NTMT1: variants seen among roughly 807,000 people sequenced by gnomAD.
NTMT1 encodes the protein N-terminal RCC1 methyltransferase.
NTMT1 carries 8 observed loss-of-function variants against 17.5 expected under a neutral mutation model. The ratio of observed to expected loss-of-function variants is 0.46; its 90% confidence interval spans 0.27 to 0.82. The LOEUF is 0.82. Ranked by LOEUF, NTMT1 falls within the 40% of genes least tolerant of loss-of-function variation. The pLI, the probability that NTMT1 is intolerant of heterozygous loss-of-function variation, is 0.15. For synonymous variants in NTMT1, 128 were observed against 126.8 expected (o/e 1.01, Z -0.06); for missense variants, 221 against 303.5 (o/e 0.73, Z 2.02).
exon 1 of NTMT1, chr9:129,609,038 G>A (rs1190794247): frequency 6.6e-6 from 1 of 152,298 alleles, no homozygotes; most frequent in African/African-American, 2.4e-5. Flanking sequence ...AGCCTCTCTG[G>A]GCCCTGGCTT....
At chr9:129,615,388 G>T in intron 1 of NTMT1, 2 of 1,315,784 alleles carry the variant, frequency 1.5e-6, no homozygotes, top group Non-Finnish European at 2.0e-6. Flanking sequence ...CCTTTGCAAA[G>T]CCAGTCCCTC....
chr9:129,610,433 A>C (rs1027080528), intron 1 of NTMT1, among the ~76,000 whole-genome samples: 12 of 151,830 alleles, frequency 7.9e-5, no homozygotes, highest in Non-Finnish European at 1.6e-4. Context: ...GCACGGCTGC[A>C]AGCCTAGCAA....
At chr9:129,618,818 G>A (rs1004555283) in intron 1 of NTMT1, among the ~76,000 whole-genome samples, 2 of 151,252 alleles carry the variant, frequency 1.3e-5, no homozygotes, top group East Asian at 3.9e-4. Context: ...TCAGCCTCCC[G>A]AGTAGCTGGG....
chr9:129,629,688 C>A (rs1831061471), intron 1 of NTMT1, among the ~76,000 whole-genome samples: 1 of 152,184 alleles, frequency 6.6e-6, no homozygotes, highest in Non-Finnish European at 1.5e-5. Context: ...TCCTCCCCAG[C>A]CTGTTACCCC....
intron 1 of NTMT1, among the ~76,000 whole-genome samples, chr9:129,629,712 A>T (rs2118939559): frequency 6.6e-6 from 1 of 152,282 alleles, no homozygotes; most frequent in Non-Finnish European, 1.5e-5. Context: ...GGGCTCCCTG[A>T]TTGGTGAAGT....
At chr9:129,632,977 T>A in intron 2 of NTMT1, 112 bp downstream of exon 2, 1 of 1,218,016 alleles carries the variant, frequency 8.2e-7, no homozygotes, top group East Asian at 2.4e-5. Flanking sequence ...GTTGGCTATC[T>A]CTTGGTACCT....
intron 1 of NTMT1, among the ~76,000 whole-genome samples, chr9:129,610,617 C>T (rs1830093777): frequency 6.6e-6 from 1 of 151,866 alleles, no homozygotes; most frequent in Non-Finnish European, 1.5e-5. Flanking sequence ...CGGGCGCGAG[C>T]GCCGCGCGAG....
At position 129,620,275 on chromosome 9, in the gene NTMT1, C is replaced by T. The variant is rs1202569785; in HGVS notation, c.-55+11097C>T. 2.3e-6 allele frequency: 3 copies of T among 1,305,096 alleles called. No homozygotes were observed. Among genetic ancestry groups the T allele is most frequent in the African/African-American group, 1.5e-5 (1 of 64,696 alleles). The allele number at this position is 1,305,096 out of a possible 1,614,324, so 80.8% of individuals were successfully genotyped here. ...CGGCCGACAGCAGGGGAGGCGGCAG[C>T]AGGGACCGCAGCAGCCCCCGCTTCC... On this transcript the variant is annotated intron_variant, in intron 1 of 3. Coordinates refer to the NTMT1 transcript ENST00000372486. The surrounding 1 kb of genome is among the most constrained non-coding windows in gnomAD (Gnocchi z 5.8).
intron 1 of NTMT1, chr9:129,612,119 A>G (rs976145455): frequency 5.9e-6 from 3 of 506,568 alleles, no homozygotes; most frequent in Non-Finnish European, 1.1e-5. Flanking sequence ...CAAGTCCTGA[A>G]CCCCAGGGAT....
chr9:129,623,607 A>G (rs532774469), upstream of NTMT1, among the ~76,000 whole-genome samples: 3 of 152,292 alleles, frequency 2.0e-5, no homozygotes, highest in East Asian at 5.8e-4. Context: ...CGACTTTGTA[A>G]TTCAAATAAC....
At position 129,634,087 on chromosome 9, in the gene NTMT1, C is replaced by T; in HGVS notation, c.196C>T (p.Leu66=). The T allele has an allele frequency of 6.2e-7, 1 of 1,614,198 alleles. No homozygotes were observed. Among genetic ancestry groups the T allele is most frequent in the Non-Finnish European group, 8.5e-7 (1 of 1,180,038 alleles). The part of the protein sequence containing the change: ...GPNKTGTSCA[L]DCGAGIGRIT... Reference sequence around the variant, plus strand: ...GAACAAGACAGGAACGTCCTGTGCCCTGGACTGTGGAGCTGGCATTGGGAG... The same window carrying T: ...GAACAAGACAGGAACGTCCTGTGCCTTGGACTGTGGAGCTGGCATTGGGAG... The change falls in exon 3 of 4, where the codon CTG becomes TTG. Residue 66 remains leucine (L), a synonymous_variant. Transcript: ENST00000372483.
At position 129,613,346 on chromosome 9, in the gene NTMT1, C is replaced by G; in HGVS notation, c.-55+4168C>G. Reference sequence around the variant, plus strand: ...CTTGAGGACCCACACTGGCAACCCGCCTGCTGCTGGGTGGGGAGGTCTGTA... The same window carrying G: ...CTTGAGGACCCACACTGGCAACCCGGCTGCTGCTGGGTGGGGAGGTCTGTA... On this transcript the variant is annotated intron_variant, in intron 1 of 3. Transcript: ENST00000372486. The surrounding 1 kb of genome is among the most constrained non-coding windows in gnomAD (Gnocchi z 6.2). 4.5e-6 allele frequency: 7 copies of G among 1,570,392 alleles called. No homozygotes were observed. Among genetic ancestry groups the G allele is most frequent in the Non-Finnish European group, 6.1e-6 (7 of 1,156,496 alleles).
At chr9:129,621,043 T>C (rs967282389) in intron 1 of NTMT1, among the ~76,000 whole-genome samples, 1 of 152,222 alleles carries the variant, frequency 6.6e-6, no homozygotes, top group African/African-American at 2.4e-5. Context: ...ATGGGGATAA[T>C]AGCAGCACCT....
intron 1 of NTMT1, among the ~76,000 whole-genome samples, chr9:129,612,834 A>C (rs1830155038): frequency 6.6e-6 from 1 of 152,158 alleles, no homozygotes; most frequent in Non-Finnish European, 1.5e-5. Flanking sequence ...TGTCTCAAAA[A>C]AGCAAAGAGA....
Position 129,620,641 on chromosome 9 carries a change from G to C in NTMT1, c.-55+11463G>C. ...GGGTGGGGGGCGCCGGCTGAGGTGGGGAGGGCATAGTCCAGCCCCAGGCCA... is the reference window on the plus strand; with the variant it reads ...GGGTGGGGGGCGCCGGCTGAGGTGGCGAGGGCATAGTCCAGCCCCAGGCCA... On this transcript the variant is annotated intron_variant, in intron 1 of 3. Transcript: ENST00000372486. This position sits in a 1 kb window ranked among gnomAD's most constrained non-coding sequence, Gnocchi z 5.8. 5.6e-6 allele frequency: 7 copies of C among 1,256,636 alleles called. No individual in the cohort carries two copies. The highest frequency in any genetic ancestry group is 6.0e-6 in the Non-Finnish European group (6 of 996,960). 77.8% of individuals were successfully genotyped at this position (1,256,636 alleles called of 1,614,324 possible). A position where few individuals can be genotyped will look rare whatever the true frequency, so the allele number is the denominator to read the frequency against.
At chr9:129,634,439 C>T in intron 3 of NTMT1, 133 bp downstream of exon 3, 1 of 942,002 alleles carries the variant, frequency 1.1e-6, no homozygotes, top group Admixed American at 3.0e-5. Context: ...CCGCCCAGGC[C>T]CACCCCCACC....
At chr9:129,625,455 C>T (rs1830857566), upstream of NTMT1, among the ~76,000 whole-genome samples, 1 of 152,202 alleles carries the variant, frequency 6.6e-6, no homozygotes. Context: ...GAAGTCCAGC[C>T]TGCAGCCTCC....
Position 129,633,813 on chromosome 9 carries a change from G to A in NTMT1, c.163-241G>A, listed in dbSNP as rs545232561. ...CCACCACTGCATTCCAACCTGAACAGAATGCAGAATGCAACCTGAACTTTC... is the reference window on the plus strand; with the variant it reads ...CCACCACTGCATTCCAACCTGAACAAAATGCAGAATGCAACCTGAACTTTC... On this transcript the variant is annotated intron_variant, in intron 2 of 3. Transcript: ENST00000372483. 3.0e-5 allele frequency: 15 copies of A among 492,266 alleles called. No individual in the cohort carries two copies. The East Asian group carries it at 5.1e-4, about 17-fold the overall frequency. 30.5% of individuals were successfully genotyped at this position (492,266 alleles called of 1,614,324 possible).
intron 3 of NTMT1, 184 bp from the exon 4 acceptor site, chr9:129,635,024 A>T: frequency 1.4e-6 from 1 of 689,922 alleles, no homozygotes; most frequent in Non-Finnish European, 2.4e-6. Context: ...CCTCTGAGCC[A>T]CAGTTTCCTA....
Sources: allele counts gnomAD v4.1 joint callset (sites outside exome capture counted in the v4.1 genomes callset), GRCh38; gene constraint gnomAD v4.1.1; non-coding constraint Gnocchi (gnomAD v3.1); transcripts MANE v1.5; gene names NCBI Gene and HGNC (gene_info 2026-07-23, HGNC 2026-07-21).